Variants in PCLO observed in about 807,000 individuals in gnomAD.
PCLO encodes the protein piccolo presynaptic cytomatrix protein.
Under a neutral mutation model 427.5 loss-of-function variants are expected in PCLO, and 82 were observed. That is an observed-to-expected ratio of 0.19 (90% CI 0.16 to 0.23). PCLO has a LOEUF of 0.23. Ranked by LOEUF, PCLO falls within the 10% of genes least tolerant of loss-of-function variation. The probability of loss-of-function intolerance (pLI) is 1.00; values close to 1 mark genes in which losing one functional copy is unlikely to be tolerated. For missense variants in PCLO, 6,239 were observed against 6,115.9 expected (o/e 1.02, Z -0.67); for synonymous variants, 2,357 against 2,155.4 (o/e 1.09, Z -2.59).
In PCLO at chr7:82,757,268, G is replaced by C. The variant is rs1371299617; in HGVS notation, c.*1307C>G. Reference sequence around the variant, plus strand: ...CTTAATTAATAATGCTGATAGAGAAGAGGGTGCTTCATTTTAAGACTTGGA... The same window carrying C: ...CTTAATTAATAATGCTGATAGAGAACAGGGTGCTTCATTTTAAGACTTGGA... On this transcript the variant is annotated 3_prime_UTR_variant, in exon 25 of 25. Transcript: ENST00000333891. 6.6e-6 allele frequency: 1 copy of C among 152,008 alleles called. No homozygotes were observed. Among genetic ancestry groups the C allele is most frequent in the Admixed American group, 6.6e-5 (1 of 15,238 alleles). 9.4% of individuals were successfully genotyped at this position (152,008 alleles called of 1,614,324 possible). A position where few individuals can be genotyped will look rare whatever the true frequency, so the allele number is the denominator to read the frequency against.
At chr7:82,973,873 GTTAA>G (rs1426732184) in intron 3 of PCLO, among the ~76,000 whole-genome samples, 3 of 151,944 alleles carry the variant, frequency 2.0e-5, no homozygotes, top group African/African-American at 7.3e-5. Flanking sequence ...CTCTTTTTGT[GTTAA>G]TTTTTACTAA....
At position 82,955,937 on chromosome 7, in the gene PCLO, G is replaced by A. The variant is rs1460629924; in HGVS notation, c.5016C>T (p.Leu1672=). The change falls in exon 5 of 25, where the codon CTC becomes CTT. Residue 1672 remains leucine, a synonymous_variant. Transcript: ENST00000333891. ...GGLRRFKTIE[L]NSTIADKYSA... Reference sequence around the variant, plus strand: ...AATATTTATCTGCTATTGTACTGTTGAGCTCAATTGTTTTAAATCGGCGTA... The same window carrying A: ...AATATTTATCTGCTATTGTACTGTTAAGCTCAATTGTTTTAAATCGGCGTA... The A allele has an allele frequency of 1.2e-6, 2 of 1,613,752 alleles. No homozygotes were observed. Among genetic ancestry groups the A allele is most frequent in the South Asian group, 1.1e-5 (1 of 91,076 alleles).
chr7:83,038,380 A>G (rs985790598), intron 3 of PCLO, among the ~76,000 whole-genome samples: 1 of 151,480 alleles, frequency 6.6e-6, no homozygotes, highest in Non-Finnish European at 1.5e-5. Context: ...GCCATTTCAC[A>G]TATTCCCCAT....
At chr7:82,917,914 T>C (rs773679293) in intron 6 of PCLO, among the ~76,000 whole-genome samples, 1 of 152,044 alleles carries the variant, frequency 6.6e-6, no homozygotes, top group Non-Finnish European at 1.5e-5. Flanking sequence ...CAAGACTCTG[T>C]ACTTTCATTG....
At chr7:83,037,470 GA>G (rs1788824116) in intron 3 of PCLO, among the ~76,000 whole-genome samples, 1 of 151,898 alleles carries the variant, frequency 6.6e-6, no homozygotes, top group Admixed American at 6.6e-5. Context: ...TTGCAAGTTA[GA>G]GAATCTGTTT....
chr7:83,011,614 A>AC (rs1788079068), intron 3 of PCLO, among the ~76,000 whole-genome samples: 1 of 151,960 alleles, frequency 6.6e-6, no homozygotes, highest in Non-Finnish European at 1.5e-5. Flanking sequence ...GAAAAAAAAA[A>AC]ACAAATCCTA....
intron 22 of PCLO, among the ~76,000 whole-genome samples, chr7:82,796,330 A>G (rs1162836216): frequency 6.6e-6 from 1 of 152,140 alleles, no homozygotes; most frequent in Non-Finnish European, 1.5e-5. Flanking sequence ...ATAAGGTGAT[A>G]AGGTCCAGGG....
intron 3 of PCLO, among the ~76,000 whole-genome samples, chr7:83,125,070 G>C (rs1791397170): frequency 6.6e-6 from 1 of 152,096 alleles, no homozygotes; most frequent in South Asian, 2.1e-4. Flanking sequence ...ATGTTGCCCA[G>C]GCTGGAGTGC....
At chr7:82,797,488 T>C (rs1175790574) in intron 22 of PCLO, among the ~76,000 whole-genome samples, 1 of 152,140 alleles carries the variant, frequency 6.6e-6, no homozygotes, top group Non-Finnish European at 1.5e-5. Flanking sequence ...TTGATTTAAA[T>C]GTTAAAGAAA....
intron 10 of PCLO, among the ~76,000 whole-genome samples, chr7:82,853,669 A>G (rs1306048339): frequency 6.6e-6 from 1 of 152,166 alleles, no homozygotes; most frequent in Non-Finnish European, 1.5e-5. Context: ...TATTTTCTTT[A>G]TCAGAAATAT....
At chr7:83,044,845 G>A (rs1188372890) in intron 3 of PCLO, among the ~76,000 whole-genome samples, 1 of 152,104 alleles carries the variant, frequency 6.6e-6, no homozygotes, top group African/African-American at 2.4e-5. Context: ...TGGGGGTGTC[G>A]TGGGTTGGGA....
At chr7:82,762,242 G>GCTT (rs1321463703) in intron 22 of PCLO, among the ~76,000 whole-genome samples, 1 of 152,072 alleles carries the variant, frequency 6.6e-6, no homozygotes, top group Non-Finnish European at 1.5e-5. Context: ...AGGAGCAGAT[G>GCTT]CTTAGGGAGG....
At chr7:83,038,021 A>ATATATATATT (rs1788851292) in intron 3 of PCLO, among the ~76,000 whole-genome samples, 1 of 55,092 alleles carries the variant, frequency 1.8e-5, no homozygotes, top group South Asian at 4.5e-4. Flanking sequence ...ATATATATAT[A>ATATATATATT]TATATATATT....
At chr7:83,027,923 C>G (rs1166651147) in intron 3 of PCLO, among the ~76,000 whole-genome samples, 1 of 134,500 alleles carries the variant, frequency 7.4e-6, no homozygotes, top group Non-Finnish European at 1.6e-5. Context: ...ATGCTAAAAA[C>G]TCTCAATAAA....
intron 10 of PCLO, among the ~76,000 whole-genome samples, chr7:82,866,889 G>A (rs1357184522): frequency 6.6e-6 from 1 of 152,114 alleles, no homozygotes; most frequent in Non-Finnish European, 1.5e-5. Flanking sequence ...GCCCTCAGGA[G>A]CTTATAGTCT....
intron 3 of PCLO, among the ~76,000 whole-genome samples, chr7:83,066,282 C>T (rs183989988): frequency 1.3e-5 from 2 of 152,106 alleles, no homozygotes; most frequent in Non-Finnish European, 2.9e-5. Context: ...TTGATTTGAA[C>T]ATTTATTGTA....
At chr7:83,095,376 A>T (rs1790507023) in intron 3 of PCLO, among the ~76,000 whole-genome samples, 2 of 151,938 alleles carry the variant, frequency 1.3e-5, no homozygotes, top group Admixed American at 6.6e-5. Context: ...GAACTTTTTT[A>T]AAAAGTTCCT....
intron 10 of PCLO, among the ~76,000 whole-genome samples, chr7:82,857,631 T>A (rs1453401321): frequency 6.6e-6 from 1 of 152,074 alleles, no homozygotes; most frequent in Non-Finnish European, 1.5e-5. Flanking sequence ...ATTTGACAGA[T>A]AAAATACCCA....
At chr7:82,836,485 T>C (rs940125605) in intron 15 of PCLO, among the ~76,000 whole-genome samples, 2 of 152,142 alleles carry the variant, frequency 1.3e-5, no homozygotes, top group Non-Finnish European at 2.9e-5. Context: ...AAACAAAAAC[T>C]ACCTTTTCCT....
Sources: gnomAD v4.1 joint callset for allele counts (sites outside exome capture counted in the v4.1 genomes callset) on GRCh38, gnomAD v4.1.1 for gene constraint, MANE v1.5 for transcripts, NCBI Gene and HGNC (gene_info 2026-07-23, HGNC 2026-07-21) for gene names.